SLC9A6: variants seen among roughly 807,000 people sequenced by gnomAD.
SLC9A6 encodes the protein sodium/hydrogen exchanger 6.
SLC9A6 carries 6 observed loss-of-function variants against 45.3 expected under a neutral mutation model. That is an observed-to-expected ratio of 0.13 (90% CI 0.07 to 0.26). The LOEUF (loss-of-function observed/expected upper bound fraction) is 0.26. Ranked by LOEUF, SLC9A6 falls within the 10% of genes least tolerant of loss-of-function variation. The pLI is 1.00. For synonymous variants in SLC9A6, 191 were observed against 187.7 expected, an observed-to-expected ratio of 1.02 and a Z score of -0.14; for missense variants, 278 against 503.7, an observed-to-expected ratio of 0.55 and a Z score of 4.29.
intron 3 of SLC9A6, among the ~76,000 whole-genome samples, 178 bp from the exon 4 acceptor site, chrX:135,997,930 G>T (rs2089528760): frequency 9.0e-6 from 1 of 111,640 alleles, no homozygotes; most frequent in Non-Finnish European, 1.9e-5. Context: ...GCTATCTCCT[G>T]GTCGTTTGGT....
intron 7 of SLC9A6, chrX:136,010,094 G>A (rs2070890393): frequency 8.8e-6 from 2 of 227,925 alleles, no homozygotes. Flanking sequence ...ACATTAGTAT[G>A]TTAAGGCTTT....
At chrX:135,993,737 G>GCCGA (rs1310434003) in intron 2 of SLC9A6, among the ~76,000 whole-genome samples, 2 of 110,228 alleles carry the variant, frequency 1.8e-5, no homozygotes, top group African/African-American at 6.6e-5. Context: ...GTTGCAGTGA[G>GCCGA]CCGAGATCAT....
intron 13 of SLC9A6, among the ~76,000 whole-genome samples, chrX:136,027,009 C>T (rs1252249208): frequency 8.9e-6 from 1 of 111,773 alleles, no homozygotes; most frequent in Non-Finnish European, 1.9e-5. Flanking sequence ...CTCCTCACCA[C>T]CTGCCAACAG....
chrX:136,030,224 A>G, intron 15 of SLC9A6, 62 bp downstream of exon 15: 1 of 1,044,447 alleles, frequency 9.6e-7, no homozygotes, highest in Non-Finnish European at 1.3e-6. Flanking sequence ...TTGGAAAGAA[A>G]ACAATCTACT....
intron 3 of SLC9A6, among the ~76,000 whole-genome samples, chrX:135,996,728 C>T (rs1051287352): frequency 7.2e-5 from 8 of 111,144 alleles, no homozygotes; most frequent in Non-Finnish European, 9.4e-5. Context: ...TTCATTCATT[C>T]ATTTATTTTT....
At chrX:136,031,912 A>G (rs1556621181) in intron 15 of SLC9A6, among the ~76,000 whole-genome samples, 1 of 111,737 alleles carries the variant, frequency 8.9e-6, no homozygotes, top group Non-Finnish European at 1.9e-5. Flanking sequence ...GTAAGCCCAT[A>G]CAGTGTTTCC....
At chrX:135,974,867 G>C (rs1012187836) in intron 1 of SLC9A6, 4 of 261,371 alleles carry the variant, frequency 1.5e-5, no homozygotes, top group Non-Finnish European at 3.0e-5. Flanking sequence ...CATTAAGGAA[G>C]AAATGAAAGA....
chrX:135,976,452 A>T (rs1010814211), intron 1 of SLC9A6, among the ~76,000 whole-genome samples: 7 of 110,053 alleles, frequency 6.4e-5, no homozygotes, highest in Non-Finnish European at 1.1e-4. Context: ...AATACAAAAA[A>T]TTTGCCGGGC....
chrX:136,013,395 G>A lies in SLC9A6; in HGVS notation c.1038G>A (p.Thr346=), dbSNP rs782783023. ...LFCGITQAHY[T]YNNLSTESQH... ...GTGGCATCACACAAGCACATTATAC[G>A]TATAATAATTTGTCCACGGAGTCTC... The change falls in exon 10 of 18, where the codon ACG becomes ACA. Residue 346 remains threonine, a synonymous_variant. Transcript: ENST00000630721. The A allele has an allele frequency of 7.5e-6, 9 of 1,204,942 alleles. No homozygotes were observed. The African/African-American group carries it at 1.1e-4, about 14-fold the overall frequency.
chrX:136,015,533 A>G (rs1418226635), intron 10 of SLC9A6, among the ~76,000 whole-genome samples: 2 of 111,607 alleles, frequency 1.8e-5, no homozygotes, highest in Admixed American at 9.6e-5. Context: ...AAATGGAGAT[A>G]ATAATAATAC....
intron 2 of SLC9A6, among the ~76,000 whole-genome samples, chrX:135,993,221 T>C (rs1556616008): frequency 8.9e-6 from 1 of 111,850 alleles, no homozygotes; most frequent in African/African-American, 3.3e-5. Context: ...ATGAAATGTC[T>C]AGAAAAGACA....
chrX:135,998,462 A>C lies in SLC9A6; in HGVS notation c.448-20A>C, dbSNP rs1186855912. 1 of 933,712 alleles carries C rather than the reference A, an allele frequency of 1.1e-6. No homozygotes were observed. The highest frequency in any genetic ancestry group is 1.4e-6 in the Non-Finnish European group (1 of 709,069). The allele number at this position is 933,712 out of a possible 1,213,427, so 76.9% of individuals were successfully genotyped here. A position where few individuals can be genotyped will look rare whatever the true frequency, so the allele number is the denominator to read the frequency against. Reference sequence around the variant, plus strand: ...TAACTGGTAAGTATTCTAACAGTGTAACTTTTTTTTTTTTGTCAGAGACAT... The same window carrying C: ...TAACTGGTAAGTATTCTAACAGTGTCACTTTTTTTTTTTTGTCAGAGACAT... On this transcript the variant is annotated intron_variant, in intron 4 of 17. Transcript: ENST00000630721.
chrX:136,031,966 A>T (rs1411485888), intron 15 of SLC9A6, among the ~76,000 whole-genome samples: 1 of 112,666 alleles, frequency 8.9e-6, no homozygotes, highest in Non-Finnish European at 1.9e-5. Flanking sequence ...GACACGTGAC[A>T]CGTTGAAGCA....
At chrX:136,032,187 C>A (rs1430723589) in intron 15 of SLC9A6, among the ~76,000 whole-genome samples, 2 of 112,241 alleles carry the variant, frequency 1.8e-5, no homozygotes, top group Non-Finnish European at 3.8e-5. Flanking sequence ...CTTGCCTCAC[C>A]CTTCCAGGTA....
intron 15 of SLC9A6, among the ~76,000 whole-genome samples, chrX:136,031,235 C>T (rs781821211): frequency 3.9e-4 from 44 of 112,375 alleles, no homozygotes; most frequent in Admixed American, 6.6e-4. Context: ...TAAAGTTAAT[C>T]ATGCAGTTCA....
At chrX:136,002,753 T>A (rs781992833) in intron 7 of SLC9A6, among the ~76,000 whole-genome samples, 1 of 107,973 alleles carries the variant, frequency 9.3e-6, no homozygotes, top group Non-Finnish European at 1.9e-5. Context: ...TAGAGATGGG[T>A]TTTCACCATG....
chrX:136,016,120 C>T (rs905249700), intron 10 of SLC9A6, among the ~76,000 whole-genome samples: 1 of 111,167 alleles, frequency 9.0e-6, no homozygotes, highest in African/African-American at 3.3e-5. Flanking sequence ...GGAAGACCCA[C>T]GCAAAAAGTG....
chrX:135,995,049 AG>A, intron 3 of SLC9A6, 64 bp downstream of exon 3: 1 of 712,719 alleles, frequency 1.4e-6, no homozygotes, highest in East Asian at 3.2e-5. Flanking sequence ...ATGATCCAGG[AG>A]AAAATAAGTA....
chrX:136,008,728 G>A (rs2070865834), intron 7 of SLC9A6, among the ~76,000 whole-genome samples: 1 of 111,431 alleles, frequency 9.0e-6, no homozygotes, highest in African/African-American at 3.3e-5. Flanking sequence ...CACCTAAACT[G>A]TACATTTTAT....
Sources: allele counts gnomAD v4.1 joint callset (sites outside exome capture counted in the v4.1 genomes callset), GRCh38; gene constraint gnomAD v4.1.1; transcripts MANE v1.5; gene names NCBI Gene and HGNC (gene_info 2026-07-23, HGNC 2026-07-21).